Variants in PPARGC1A observed in about 807,000 individuals in gnomAD.
PPARGC1A encodes the protein PPARG coactivator 1 alpha.
Under a neutral mutation model 88.7 loss-of-function variants are expected in PPARGC1A, and 25 were observed. The ratio of observed to expected loss-of-function variants is 0.28; its 90% CI spans 0.21 to 0.39. PPARGC1A has a LOEUF of 0.39. Among genes scored for constraint, PPARGC1A ranks in the 10% least tolerant of loss-of-function variants. The pLI is 1.00. For missense variants in PPARGC1A, 880 were observed against 968.7 expected (o/e 0.91, Z 1.22); for synonymous variants, 363 against 355.6 (o/e 1.02, Z -0.24).
chr4:24,377,282 A>G, the PPARGC1A span, among the ~76,000 whole-genome samples: 2 of 152,220 alleles, frequency 1.3e-5, no homozygotes, highest in East Asian at 3.9e-4. Flanking sequence ...CCCAGCCCAG[A>G]GTGGGGCAGC....
the PPARGC1A span, among the ~76,000 whole-genome samples, chr4:24,195,477 C>T: frequency 6.6e-6 from 1 of 152,172 alleles, no homozygotes; most frequent in Non-Finnish European, 1.5e-5. Context: ...ATTGTACATA[C>T]TCCTTGAGTC....
At chr4:24,087,692 A>G in the PPARGC1A span, among the ~76,000 whole-genome samples, 1 of 152,226 alleles carries the variant, frequency 6.6e-6, no homozygotes, top group African/African-American at 2.4e-5. Context: ...AGCCACTGCC[A>G]TCTCTGTCCC....
chr4:24,310,714 C>T, the PPARGC1A span, among the ~76,000 whole-genome samples: 1 of 152,118 alleles, frequency 6.6e-6, no homozygotes, highest in Non-Finnish European at 1.5e-5. Flanking sequence ...CTAAAACAAA[C>T]AAACGAAAAA....
chr4:24,208,509 A>G, the PPARGC1A span, among the ~76,000 whole-genome samples: 2 of 152,190 alleles, frequency 1.3e-5, no homozygotes, highest in South Asian at 4.2e-4. Flanking sequence ...GTGATCTCAC[A>G]GTTTTGATGG....
At chr4:24,333,934 CAACAACAAAAAAAAAAAA>C in the PPARGC1A span, among the ~76,000 whole-genome samples, 1 of 14,158 alleles carries the variant, frequency 7.1e-5, no homozygotes, top group East Asian at 3.6e-3. Flanking sequence ...ACTCCAACAA[CAACAACAAAAAAAAAAAA>C]AAAAAAAAAA....
chr4:23,846,203 A>G (rs1387580220), intron 2 of PPARGC1A, among the ~76,000 whole-genome samples: 2 of 152,212 alleles, frequency 1.3e-5, no homozygotes, highest in Non-Finnish European at 2.9e-5. Flanking sequence ...GCCTTGCCAC[A>G]TTGTGGCTCC....
chr4:24,207,862 C>T, the PPARGC1A span, among the ~76,000 whole-genome samples: 7 of 152,254 alleles, frequency 4.6e-5, no homozygotes, highest in East Asian at 1.2e-3. Flanking sequence ...CAGGAAAATA[C>T]CATGACAACA....
the PPARGC1A span, among the ~76,000 whole-genome samples, chr4:23,998,280 C>T: frequency 6.6e-6 from 1 of 152,208 alleles, no homozygotes; most frequent in Admixed American, 6.5e-5. Flanking sequence ...AAATCACACA[C>T]ATATAAAATA....
the PPARGC1A span, among the ~76,000 whole-genome samples, chr4:24,293,332 C>T: frequency 1.2e-3 from 1 of 842 alleles, no homozygotes; most frequent in East Asian, 0.022. Flanking sequence ...CACCTGCCTG[C>T]ACTCCTCCCC....
the PPARGC1A span, among the ~76,000 whole-genome samples, chr4:24,260,003 C>G: frequency 6.6e-6 from 1 of 152,182 alleles, no homozygotes; most frequent in Admixed American, 6.5e-5. Flanking sequence ...GAGCCCTTAC[C>G]TTCTCCTCTC....
chr4:24,062,601 G>A, the PPARGC1A span, among the ~76,000 whole-genome samples: 1 of 152,168 alleles, frequency 6.6e-6, no homozygotes, highest in Admixed American at 6.5e-5. Flanking sequence ...TAGGGCAGAA[G>A]CATCATTCTA....
chr4:24,259,250 C>A, the PPARGC1A span, among the ~76,000 whole-genome samples: 4 of 152,198 alleles, frequency 2.6e-5, no homozygotes, highest in African/African-American at 9.6e-5. Context: ...GGGTCACAAT[C>A]TCTCACTGTC....
chr4:24,403,655 CAGA>C, the PPARGC1A span, among the ~76,000 whole-genome samples: 1 of 152,208 alleles, frequency 6.6e-6, no homozygotes, highest in Non-Finnish European at 1.5e-5. Flanking sequence ...ATCACTTCCC[CAGA>C]AGATCTCTTA....
chr4:24,084,983 G>T, the PPARGC1A span, among the ~76,000 whole-genome samples: 1 of 152,162 alleles, frequency 6.6e-6, no homozygotes, highest in African/African-American at 2.4e-5. Context: ...ATCCTCAGGT[G>T]CTGGTTTTGA....
chr4:24,072,633 C>T, the PPARGC1A span, among the ~76,000 whole-genome samples: 6 of 152,050 alleles, frequency 3.9e-5, no homozygotes, highest in Non-Finnish European at 8.8e-5. Context: ...TATTTTATTT[C>T]TTCAAAACCT....
chr4:24,081,758 A>G, the PPARGC1A span, among the ~76,000 whole-genome samples: 3,917 of 147,740 alleles, frequency 0.027, 155 homozygotes, highest in African/African-American at 0.093. Flanking sequence ...TTTTTTTTTT[A>G]CAAGCGTTAA....
chr4:24,012,722 A>T, the PPARGC1A span, among the ~76,000 whole-genome samples: 1 of 152,164 alleles, frequency 6.6e-6, no homozygotes, highest in Non-Finnish European at 1.5e-5. Context: ...AGGTGGGAAG[A>T]AAGACTAATT....
the PPARGC1A span, among the ~76,000 whole-genome samples, chr4:24,101,910 T>G: frequency 6.7e-6 from 1 of 149,574 alleles, no homozygotes; most frequent in Non-Finnish European, 1.5e-5. Flanking sequence ...CACGCCCTCA[T>G]GGTCTTGTGA....
the PPARGC1A span, among the ~76,000 whole-genome samples, chr4:24,175,033 T>C: frequency 6.6e-6 from 1 of 152,184 alleles, no homozygotes; most frequent in African/African-American, 2.4e-5. Context: ...GGGCCTAGTG[T>C]ATAACTTTCT....
Sources: gnomAD v4.1 joint callset for allele counts (sites outside exome capture counted in the v4.1 genomes callset) on GRCh38, gnomAD v4.1.1 for gene constraint, MANE v1.5 for transcripts, NCBI Gene and HGNC (gene_info 2026-07-23, HGNC 2026-07-21) for gene names.